Variants in SLC49A3 observed in about 807,000 individuals in gnomAD.
SLC49A3 encodes the protein solute carrier family 49 member A3.
Under a neutral mutation model 43.8 loss-of-function variants are expected in SLC49A3, and 50 were observed. That is an observed-to-expected ratio of 1.14 (90% CI 0.91 to 1.45). SLC49A3 has a LOEUF of 1.45. SLC49A3 is among the 40% of genes most tolerant of loss of function. The pLI is 0.00. For synonymous variants in SLC49A3, 413 were observed against 352.0 expected (o/e 1.17, Z -1.94); for missense variants, 906 against 774.1 (o/e 1.17, Z -2.02).
upstream of SLC49A3, among the ~76,000 whole-genome samples, chr4:689,751 G>C (rs898694590): frequency 1.3e-5 from 2 of 152,288 alleles, no homozygotes; most frequent in African/African-American, 4.8e-5. Flanking sequence ...ATTGTTACCT[G>C]CATTTTACAA....
Position 684,382 on chromosome 4 carries a change from C to T in SLC49A3, c.840+101G>A, listed in dbSNP as rs993417997. On this transcript the variant is annotated intron_variant, in intron 6 of 9. Coordinates refer to ENST00000322224, the MANE Select transcript of SLC49A3 (RefSeq NM_032219.4). The stretch of plus-strand genomic sequence containing the variant: ...CACAGAAGGGTGTCAATGTGGCCCC[C>T]GCCAGGGTCGGACACTGGGCACCCT... The T allele has an allele frequency of 1.3e-5, 20 of 1,516,272 alleles. No individual in the cohort carries two copies. The East Asian group carries it at 2.0e-4, about 15-fold the overall frequency. The allele number at this position is 1,516,272 out of a possible 1,614,324, so 93.9% of individuals were successfully genotyped here.
downstream of SLC49A3, chr4:678,482 C>T (rs894216648): frequency 7.7e-6 from 11 of 1,437,206 alleles, no homozygotes; most frequent in East Asian, 1.3e-4. Context: ...AGCCGTCCTG[C>T]CCCCAACCCC....
intron 7 of SLC49A3, 53 bp from the exon 8 acceptor site, chr4:683,420 T>C: frequency 5.7e-6 from 9 of 1,575,830 alleles, no homozygotes; most frequent in Non-Finnish European, 7.8e-6. Flanking sequence ...CAGTCAGAAC[T>C]GGACCTGGCT....
intron 1 of SLC49A3, among the ~76,000 whole-genome samples, chr4:687,496 TC>T (rs1204334270): frequency 6.6e-6 from 1 of 151,958 alleles, no homozygotes; most frequent in Admixed American, 6.5e-5. Flanking sequence ...CAGAACGAGC[TC>T]CCCAGGCCCA....
chr4:680,909 C>T, downstream of SLC49A3: 1 of 711,390 alleles, frequency 1.4e-6, no homozygotes, highest in Non-Finnish European at 2.4e-6. Flanking sequence ...TCAGCGGCTC[C>T]CCCAGAAGTG....
Position 682,249 on chromosome 4 carries a change from GC to G in SLC49A3, c.1388del (p.Gly463AlafsTer36). 2 of 1,381,894 alleles carry G rather than the reference GC, an allele frequency of 1.4e-6. No homozygotes were observed. The highest frequency in any genetic ancestry group is 1.9e-6 in the Non-Finnish European group (2 of 1,057,062). 85.6% of individuals were successfully genotyped at this position (1,381,894 alleles called of 1,614,324 possible). On this transcript the variant is annotated frameshift_variant, in exon 10 of 10. Transcript: ENST00000322224. LOFTEE classifies it low-confidence loss of function (END_TRUNC). ...CCACACCCGGCCCTGAGTCTGCGCC[GC>G]CCACGGCGTTACGGGTGGAGGGGGG... is the stretch of plus-strand genomic sequence containing the variant. ...GEPPSTRNAV[G>X]GADSGPGVDR...
intron 9 of SLC49A3, 78 bp downstream of exon 9, chr4:682,703 C>T: frequency 8.1e-7 from 1 of 1,235,304 alleles, no homozygotes; most frequent in Admixed American, 2.4e-5. Context: ...ACGTAGGGTT[C>T]ACCTGTCCCG....
At chr4:681,603 C>G (rs960374260), downstream of SLC49A3, among the ~76,000 whole-genome samples, 1 of 131,540 alleles carries the variant, frequency 7.6e-6, no homozygotes, top group Non-Finnish European at 1.7e-5. Context: ...CGCCGCCGCC[C>G]CGCCCCCTCC....
At chr4:681,169 C>A, downstream of SLC49A3, 1 of 1,595,358 alleles carries the variant, frequency 6.3e-7, no homozygotes. Flanking sequence ...CTGCCAAGCC[C>A]ACGAGGGGAG....
chr4:681,051 C>T (rs1369349025), downstream of SLC49A3: 3 of 1,565,990 alleles, frequency 1.9e-6, no homozygotes, highest in East Asian at 2.3e-5. Context: ...GGCTCCTGCA[C>T]CCCCGCATCA....
upstream of SLC49A3, chr4:689,215 G>A (rs1560181861): frequency 9.6e-7 from 1 of 1,039,392 alleles, no homozygotes; most frequent in South Asian, 4.4e-5. Flanking sequence ...GCCTGCGGGC[G>A]GAGGTGGGGC....
At chr4:679,963 C>T (rs373011526), downstream of SLC49A3, 10 of 1,613,554 alleles carry the variant, frequency 6.2e-6, no homozygotes, top group East Asian at 2.2e-5. Context: ...TCAAAGAGGC[C>T]TCGGGGCCCA....
In SLC49A3 at chr4:686,682, G is replaced by A; in HGVS notation, c.144C>T (p.Leu48=). The change falls in exon 2 of 10, where the codon CTC becomes CTT. Residue 48 remains leucine, a synonymous_variant. Transcript: ENST00000322224. ...LLNCSNATLW[L]SFAPVADVIA... ...TGACGTCAGCCACAGGTGCAAAGCT[G>A]AGCCACAGCTGCAGGGGTCAGGCGG... 6.2e-7 allele frequency: 1 copy of A among 1,612,736 alleles called. No homozygotes were observed. Among genetic ancestry groups the A allele is most frequent in the Non-Finnish European group, 8.5e-7 (1 of 1,179,810 alleles).
downstream of SLC49A3, among the ~76,000 whole-genome samples, chr4:677,345 GAGGCCATGGTATAGTGGGGA>G (rs751344123): frequency 6.6e-6 from 1 of 152,196 alleles, no homozygotes; most frequent in Non-Finnish European, 1.5e-5. Context: ...CTCTGTGCCT[GAGGCCATGGTATAGTGGGGA>G]AGACCAGGCT....
At chr4:686,839 GAGAGCGCCACCC>G in intron 1 of SLC49A3, 149 bp from the exon 2 acceptor site, 1 of 1,065,916 alleles carries the variant, frequency 9.4e-7, no homozygotes, top group Non-Finnish European at 1.3e-6. Flanking sequence ...CCTGCCCAAG[GAGAGCGCCACCC>G]TGCCTCCCCC....
In SLC49A3 at chr4:689,089, C is replaced by T. The variant is rs764816208; in HGVS notation, c.39G>A (p.Glu13=). Residue 13 remains glutamate, a synonymous_variant, in exon 1 of 10, where the codon GAG becomes GAA. Transcript: ENST00000322224. ...GPTEAETGLA[E]PRALCAQRGH... ...CCCGCTGCGCGCACAGGGCCCGGGG[C>T]TCGGCCAACCCCGTCTCGGCCTCCG... 11 of 1,529,618 alleles carry T rather than the reference C, an allele frequency of 7.2e-6. No homozygotes were observed. Among genetic ancestry groups the T allele is most frequent in the Non-Finnish European group, 9.6e-6 (11 of 1,146,416 alleles). The allele number at this position is 1,529,618 out of a possible 1,614,324, so 94.8% of individuals were successfully genotyped here.
At chr4:689,405 C>T (rs935823803), upstream of SLC49A3, 3 of 264,624 alleles carry the variant, frequency 1.1e-5, no homozygotes, top group African/African-American at 2.2e-5. Context: ...ATGTCCCTTC[C>T]GGGAAGGGCC....
chr4:679,828 C>G, downstream of SLC49A3: 2 of 1,160,590 alleles, frequency 1.7e-6, no homozygotes, highest in Non-Finnish European at 2.5e-6. Flanking sequence ...TCCCATCTGC[C>G]TGCCTGGCCC....
At chr4:680,503 T>C, downstream of SLC49A3, 1 of 1,613,398 alleles carries the variant, frequency 6.2e-7, no homozygotes, top group Non-Finnish European at 8.5e-7. Context: ...GGTGCCTTTG[T>C]GGCAGGTACC....
Sources: gnomAD v4.1 joint callset for allele counts (sites outside exome capture counted in the v4.1 genomes callset) on GRCh38, gnomAD v4.1.1 for gene constraint, MANE v1.5 for transcripts, NCBI Gene and HGNC (gene_info 2026-07-23, HGNC 2026-07-21) for gene names.